EPB41L5: variants seen among roughly 807,000 people sequenced by gnomAD.
EPB41L5 encodes band 4.1-like protein 5.
In EPB41L5, 55 loss-of-function variants were observed where a neutral mutation model predicts 106.6. The observed-to-expected ratio is 0.52, with a 90% CI of 0.42 to 0.65. EPB41L5 has a LOEUF of 0.65. Ranked by LOEUF, EPB41L5 falls within the 30% of genes least tolerant of loss-of-function variation. EPB41L5 has a pLI of 0.00. For synonymous variants in EPB41L5, 297 were observed against 306.7 expected (o/e 0.97, Z 0.33); for missense variants, 871 against 882.1 (o/e 0.99, Z 0.16).
Position 120,160,912 on chromosome 2 carries a change from C to A in EPB41L5, c.1825C>A (p.Pro609Thr), listed in dbSNP as rs746500889. The A allele has an allele frequency of 6.2e-7, 1 of 1,613,726 alleles. No individual in the cohort carries two copies. Among genetic ancestry groups the A allele is most frequent in the Admixed American group, 1.7e-5 (1 of 60,016 alleles). ...GTTAAATGAGAATAATGTGCCCCTCCCCAAAGAGTCTCTTGAGACTCTGAT... is the reference window on the plus strand; with the variant it reads ...GTTAAATGAGAATAATGTGCCCCTCACCAAAGAGTCTCTTGAGACTCTGAT... The part of the protein sequence containing the change: ...AVLNENNVPL[P>T]KESLETLMLI... The change falls in exon 21 of 25, where the codon CCC becomes ACC. Residue 609 changes from proline (P) to threonine (T), a missense_variant. Coordinates refer to ENST00000263713, the MANE Select transcript of EPB41L5 (RefSeq NM_020909.4).
chr2:120,024,613 C>T (rs1280397029), intron 2 of EPB41L5, among the ~76,000 whole-genome samples: 3 of 152,060 alleles, frequency 2.0e-5, no homozygotes, highest in Admixed American at 6.6e-5. Flanking sequence ...CCTGCCACCA[C>T]ACCCGGCTAA....
chr2:120,121,043 G>T (rs1685195572), intron 16 of EPB41L5, among the ~76,000 whole-genome samples: 1 of 152,038 alleles, frequency 6.6e-6, no homozygotes, highest in African/African-American at 2.4e-5. Flanking sequence ...CCCAAACCCA[G>T]GAGGCAGAGG....
chr2:120,139,021 A>G (rs1686058757), intron 18 of EPB41L5, among the ~76,000 whole-genome samples: 1 of 152,232 alleles, frequency 6.6e-6, no homozygotes, highest in Non-Finnish European at 1.5e-5. Flanking sequence ...AGCCAGAAAT[A>G]AATCCATACA....
Position 120,075,761 on chromosome 2 carries a change from ATTC to A in EPB41L5, c.505+11_505+13del. The A allele has an allele frequency of 6.2e-7, 1 of 1,607,790 alleles. No homozygotes were observed. Among genetic ancestry groups the A allele is most frequent in the South Asian group, 1.1e-5 (1 of 90,918 alleles). ...CAGCTTATAATCTGCAAGGTAAGCA[ATTC>A]TTATGTTGACTGTTAAGACTCAAGT... On this transcript the variant is annotated intron_variant, in intron 7 of 24. Transcript: ENST00000263713.
intron 17 of EPB41L5, among the ~76,000 whole-genome samples, chr2:120,130,225 CA>C (rs1396903939): frequency 7.2e-6 from 1 of 139,384 alleles, no homozygotes; most frequent in African/African-American, 2.8e-5. Flanking sequence ...TGAATGTTGT[CA>C]AGGTTGTGGC....
intron 3 of EPB41L5, among the ~76,000 whole-genome samples, chr2:120,044,034 T>C (rs1020306874): frequency 1.3e-5 from 2 of 151,040 alleles, no homozygotes; most frequent in Non-Finnish European, 2.9e-5. Context: ...TAGTCCTGGC[T>C]ACTTGGGAGG....
In EPB41L5 at chr2:120,016,428, C is replaced by CA. The variant is rs59063558; in HGVS notation, c.-8-2638dup. Among the ~76,000 whole-genome samples, 1,221 of 139,958 alleles carry CA rather than the reference C, an allele frequency of 8.7e-3. 14 individuals are homozygous for CA. The highest frequency in any genetic ancestry group is 0.029 in the African/African-American group (1,105 of 37,992). The allele number at this position is 139,958 out of a possible 152,430, so 91.8% of individuals were successfully genotyped here. A position where few individuals can be genotyped will look rare whatever the true frequency, so the allele number is the denominator to read the frequency against. ...CTGGGGGACTAGGTTGAGACTGTCTCAAAAAAAAAAAGAATTAAAAAAATA... is the reference window on the plus strand; with the variant it reads ...CTGGGGGACTAGGTTGAGACTGTCTCAAAAAAAAAAAAGAATTAAAAAAATA... On this transcript the variant is annotated intron_variant, in intron 1 of 24. Transcript: ENST00000263713.
intron 19 of EPB41L5, among the ~76,000 whole-genome samples, chr2:120,144,042 A>G (rs1686294964): frequency 6.6e-6 from 1 of 152,242 alleles, no homozygotes. Flanking sequence ...ATGAGCATTT[A>G]GAAAGTGTTG....
intron 19 of EPB41L5, among the ~76,000 whole-genome samples, chr2:120,144,458 A>G (rs1223102845): frequency 6.6e-6 from 1 of 152,232 alleles, no homozygotes; most frequent in Non-Finnish European, 1.5e-5. Context: ...CATTTCAGTT[A>G]TCATTTTGGA....
chr2:120,073,318 G>GT lies in EPB41L5; in HGVS notation c.328+104dup, dbSNP rs1682007931. 16 of 1,069,504 alleles carry GT rather than the reference G, an allele frequency of 1.5e-5. No homozygotes were observed. The South Asian group carries it at 1.9e-4, about 13-fold the overall frequency. 66.3% of individuals were successfully genotyped at this position (1,069,504 alleles called of 1,614,324 possible). On this transcript the variant is annotated intron_variant, in intron 4 of 24. Transcript: ENST00000263713. ...ATGTAAGAAATCATGTTTCAGATGA[G>GT]TTTTTTAGCATTTCCATTTTCTAGA... is the stretch of plus-strand genomic sequence containing the variant.
At position 120,030,051 on chromosome 2, in the gene EPB41L5, A is replaced by C. The variant is rs539798010; in HGVS notation, c.180+10787A>C. On this transcript the variant is annotated intron_variant, in intron 2 of 24. Coordinates refer to ENST00000263713, the MANE Select transcript of EPB41L5 (RefSeq NM_020909.4). ...ACTGAGGAAATGATGACAGTGAAAG[A>C]AATCAGACCTAATTAAGTCCATCTT... Among the ~76,000 whole-genome samples the C allele has an allele frequency of 3.3e-5, 5 of 152,356 alleles. 1 individual carries two copies. The highest frequency in any genetic ancestry group is 3.3e-4 in the Admixed American group (5 of 15,304).
chr2:120,019,945 C>T (rs1419641907), intron 2 of EPB41L5, among the ~76,000 whole-genome samples: 1 of 151,106 alleles, frequency 6.6e-6, no homozygotes, highest in Non-Finnish European at 1.5e-5. Flanking sequence ...AATCATAACT[C>T]AGTGTGAAAC....
chr2:120,167,103 T>C (rs1474601148), intron 22 of EPB41L5, among the ~76,000 whole-genome samples: 1 of 152,254 alleles, frequency 6.6e-6, no homozygotes, highest in Admixed American at 6.5e-5. Context: ...AAGAAGGCTA[T>C]CATTATTTGT....
At chr2:120,036,318 T>C (rs976416175) in intron 2 of EPB41L5, among the ~76,000 whole-genome samples, 1 of 152,204 alleles carries the variant, frequency 6.6e-6, no homozygotes, top group African/African-American at 2.4e-5. Flanking sequence ...GAGTTGTTTG[T>C]ATAATGGAAA....
At chr2:120,098,156 TTG>T (rs60975047) in intron 14 of EPB41L5, among the ~76,000 whole-genome samples, 73 of 133,724 alleles carry the variant, frequency 5.5e-4, no homozygotes, top group African/African-American at 1.5e-3. Context: ...ATTGTTTGTT[TTG>T]TGTGTGTGTG....
intron 1 of EPB41L5, among the ~76,000 whole-genome samples, chr2:120,015,790 T>C (rs1167801759): frequency 6.6e-6 from 1 of 151,412 alleles, no homozygotes; most frequent in Non-Finnish European, 1.5e-5. Flanking sequence ...CAAAAAATCA[T>C]TGAAAAAACG....
intron 24 of EPB41L5, among the ~76,000 whole-genome samples, chr2:120,171,991 C>A (rs1687694847): frequency 6.8e-6 from 1 of 146,600 alleles, no homozygotes. Context: ...TGTATCCATG[C>A]AACAATAACA....
chr2:120,107,528 A>G (rs1289376642), intron 16 of EPB41L5, among the ~76,000 whole-genome samples: 1 of 152,064 alleles, frequency 6.6e-6, no homozygotes, highest in East Asian at 1.9e-4. Flanking sequence ...ATGCTTTTAC[A>G]TAAGGGCTAG....
intron 3 of EPB41L5, among the ~76,000 whole-genome samples, chr2:120,058,120 C>A (rs1250186722): frequency 6.6e-6 from 1 of 152,042 alleles, no homozygotes; most frequent in East Asian, 1.9e-4. Context: ...AATATGGTTT[C>A]TCTCATTTAA....
Sources: gnomAD v4.1 joint callset for allele counts (sites outside exome capture counted in the v4.1 genomes callset) on GRCh38, gnomAD v4.1.1 for gene constraint, MANE v1.5 for transcripts, NCBI Gene and HGNC (gene_info 2026-07-23, HGNC 2026-07-21) for gene names.